Variants in TMEM87B observed in about 807,000 individuals in gnomAD.
TMEM87B encodes transmembrane protein 87B.
TMEM87B carries 83 observed loss-of-function variants against 80.3 expected under a neutral mutation model. The ratio of observed to expected loss-of-function variants is 1.03; its 90% CI spans 0.87 to 1.24. The LOEUF (loss-of-function observed/expected upper bound fraction) is 1.24. TMEM87B is among the 50% of genes most tolerant of loss of function. The probability of loss-of-function intolerance (pLI) is 0.00; values close to 1 mark genes in which losing one functional copy is unlikely to be tolerated. For synonymous variants in TMEM87B, 219 were observed against 230.5 expected, an observed-to-expected ratio of 0.95 and a Z score of 0.45; for missense variants, 625 against 674.4, an observed-to-expected ratio of 0.93 and a Z score of 0.81.
intron 2 of TMEM87B, among the ~76,000 whole-genome samples, chr2:112,061,194 T>A (rs1309838581): frequency 2.0e-5 from 3 of 152,248 alleles, no homozygotes; most frequent in South Asian, 2.1e-4. Flanking sequence ...CAAGGTTTTT[T>A]AAGAATTTCA....
intron 11 of TMEM87B, among the ~76,000 whole-genome samples, chr2:112,093,287 G>C (rs1276743989): frequency 6.6e-6 from 1 of 152,194 alleles, no homozygotes; most frequent in East Asian, 1.9e-4. Context: ...AGCCTATGAA[G>C]AGTGCTACAA....
At chr2:112,076,209 A>G (rs753340537) in intron 5 of TMEM87B, among the ~76,000 whole-genome samples, 10 of 152,166 alleles carry the variant, frequency 6.6e-5, no homozygotes, top group Non-Finnish European at 1.3e-4. Context: ...ACAAGATCGC[A>G]CCATTGCACT....
chr2:112,097,466 C>T (rs1488893159), intron 13 of TMEM87B, among the ~76,000 whole-genome samples, 175 bp downstream of exon 13: 1 of 152,110 alleles, frequency 6.6e-6, no homozygotes, highest in Non-Finnish European at 1.5e-5. Flanking sequence ...GTGGCTCACG[C>T]CTGTAATCTC....
intron 11 of TMEM87B, among the ~76,000 whole-genome samples, chr2:112,093,025 T>C (rs1236356517): frequency 6.6e-6 from 1 of 152,242 alleles, no homozygotes; most frequent in Non-Finnish European, 1.5e-5. Context: ...TTTTTGACAT[T>C]AATTTTTTTA....
intron 8 of TMEM87B, among the ~76,000 whole-genome samples, chr2:112,083,489 G>A (rs954211386): frequency 3.3e-5 from 5 of 152,372 alleles, no homozygotes; most frequent in Admixed American, 3.3e-4. Context: ...GTATTGGACA[G>A]CACAGAGGTA....
intron 3 of TMEM87B, among the ~76,000 whole-genome samples, chr2:112,065,643 CAAA>C (rs58619427): frequency 4.6e-4 from 35 of 75,332 alleles, no homozygotes; most frequent in African/African-American, 1.5e-3. Flanking sequence ...ACCTTGTCTT[CAAA>C]AAAAAAAAAA....
At chr2:112,084,540 A>C (rs112364308) in intron 8 of TMEM87B, among the ~76,000 whole-genome samples, 30 of 152,338 alleles carry the variant, frequency 2.0e-4, no homozygotes, top group African/African-American at 7.2e-4. Context: ...AGGAGACCTC[A>C]GGACCATCTT....
intron 4 of TMEM87B, among the ~76,000 whole-genome samples, chr2:112,068,565 G>A (rs549747615): frequency 5.3e-5 from 8 of 151,946 alleles, no homozygotes; most frequent in South Asian, 2.1e-4. Context: ...TTAGCCGAGC[G>A]TGGTGGCGGG....
At chr2:112,069,804 T>A (rs974511745) in intron 4 of TMEM87B, among the ~76,000 whole-genome samples, 2 of 152,210 alleles carry the variant, frequency 1.3e-5, no homozygotes, top group Admixed American at 1.3e-4. Flanking sequence ...GTATAAGCAT[T>A]CCCTTTTCTC....
chr2:112,095,517 TA>T (rs1679442924), intron 11 of TMEM87B: 3 of 907,994 alleles, frequency 3.3e-6, no homozygotes, highest in Non-Finnish European at 3.9e-6. Flanking sequence ...GATTTTTTTT[TA>T]ATCCTAGAAA....
chr2:112,075,474 A>G (rs1279037209), intron 5 of TMEM87B, among the ~76,000 whole-genome samples: 1 of 152,244 alleles, frequency 6.6e-6, no homozygotes, highest in Non-Finnish European at 1.5e-5. Context: ...AAATATCCTT[A>G]AAGCAATTTA....
chr2:112,066,170 AG>A (rs1224348932), intron 3 of TMEM87B, among the ~76,000 whole-genome samples: 1 of 152,188 alleles, frequency 6.6e-6, no homozygotes, highest in Non-Finnish European at 1.5e-5. Flanking sequence ...TTGCCTGATG[AG>A]TCAGTCATTA....
At chr2:112,056,735 C>G (rs1382976806) in intron 1 of TMEM87B, among the ~76,000 whole-genome samples, 1 of 152,198 alleles carries the variant, frequency 6.6e-6, no homozygotes, top group Non-Finnish European at 1.5e-5. Flanking sequence ...AAAAGCTACT[C>G]AGAGGAACAC....
intron 17 of TMEM87B, among the ~76,000 whole-genome samples, chr2:112,112,576 T>C (rs1368446387): frequency 3.3e-5 from 5 of 152,236 alleles, no homozygotes; most frequent in African/African-American, 1.2e-4. Context: ...TGTCCTGAAG[T>C]CTACAACTGT....
intron 1 of TMEM87B, 133 bp downstream of exon 1, chr2:112,055,889 G>A (rs1397324998): frequency 6.7e-6 from 8 of 1,199,268 alleles, no homozygotes; most frequent in South Asian, 2.0e-5. Flanking sequence ...CCCTCCCTGA[G>A]CCTTTTGTCT....
rs559919798 is a variant in TMEM87B, at chr2:112,105,915, T to G, written c.1451-87T>G. On this transcript the variant is annotated intron_variant, in intron 15 of 18. Coordinates refer to ENST00000283206, the MANE Select transcript of TMEM87B (RefSeq NM_032824.3). ...TTAACCCTCCATTTCTAAAAAGATATAGTATTTTTTCTTATCAGATTATTA... is the reference window on the plus strand; with the variant it reads ...TTAACCCTCCATTTCTAAAAAGATAGAGTATTTTTTCTTATCAGATTATTA... The G allele has an allele frequency of 2.6e-5, 24 of 906,104 alleles. No individual in the cohort carries two copies. In the African/African-American group the frequency reaches 4.1e-4, roughly 15 times the overall value. 56.1% of individuals were successfully genotyped at this position (906,104 alleles called of 1,614,324 possible).
At chr2:112,108,420 C>T (rs1441180595) in intron 17 of TMEM87B, among the ~76,000 whole-genome samples, 5 of 152,138 alleles carry the variant, frequency 3.3e-5, no homozygotes, top group Non-Finnish European at 7.4e-5. Context: ...TTCCTTTTGC[C>T]TGAAGAATTG....
chr2:112,069,193 C>T (rs1484145423), intron 4 of TMEM87B, among the ~76,000 whole-genome samples: 12 of 119,542 alleles, frequency 1.0e-4, no homozygotes, highest in Non-Finnish European at 1.5e-4. Context: ...AGCGAGACTC[C>T]GTCTCAAAAA....
intron 7 of TMEM87B, 40 bp from the exon 8 acceptor site, chr2:112,081,295 C>A: frequency 6.4e-7 from 1 of 1,550,624 alleles, no homozygotes; most frequent in South Asian, 1.2e-5. Context: ...TTCAAATGAC[C>A]AAAAGGCTTA....
Sources: allele counts gnomAD v4.1 joint callset (sites outside exome capture counted in the v4.1 genomes callset), GRCh38; gene constraint gnomAD v4.1.1; transcripts MANE v1.5; gene names NCBI Gene and HGNC (gene_info 2026-07-23, HGNC 2026-07-21).